KCNIP4: variants seen among roughly 807,000 people sequenced by gnomAD.
KCNIP4 encodes Kv channel-interacting protein 4.
A neutral mutation model predicts 34.0 loss-of-function variants in KCNIP4; 12 were observed. The ratio of observed to expected loss-of-function variants is 0.35; its 90% CI spans 0.23 to 0.57. The LOEUF (loss-of-function observed/expected upper bound fraction) is 0.57. Ranked by LOEUF, KCNIP4 falls within the 20% of genes least tolerant of loss-of-function variation. KCNIP4 has a pLI of 0.83. For synonymous variants in KCNIP4, 124 were observed against 102.2 expected, an observed-to-expected ratio of 1.21 and a Z score of -1.29; for missense variants, 238 against 311.7, an observed-to-expected ratio of 0.76 and a Z score of 1.78.
chr4:21,607,362 C>T (rs1743787275), intron 1 of KCNIP4, among the ~76,000 whole-genome samples: 1 of 152,068 alleles, frequency 6.6e-6, no homozygotes, highest in Non-Finnish European at 1.5e-5. Flanking sequence ...TTCTGATGTC[C>T]ACCTACTTTA....
chr4:20,812,934 A>AGT (rs34935781), intron 3 of KCNIP4, among the ~76,000 whole-genome samples: 4,909 of 149,562 alleles, frequency 0.033, 118 homozygotes, highest in South Asian at 0.12. Flanking sequence ...TTTGTGTGTG[A>AGT]GTGTGTGTGT....
chr4:21,040,964 A>AC (rs965090748), intron 1 of KCNIP4, among the ~76,000 whole-genome samples: 7 of 151,168 alleles, frequency 4.6e-5, no homozygotes, highest in Non-Finnish European at 8.8e-5. Flanking sequence ...TAAAAAAAAA[A>AC]AAACATAAAA....
At chr4:21,234,839 G>A (rs1438167874) in intron 1 of KCNIP4, among the ~76,000 whole-genome samples, 1 of 151,554 alleles carries the variant, frequency 6.6e-6, no homozygotes, top group Non-Finnish European at 1.5e-5. Context: ...GTAGAAACAG[G>A]GTTTTATCAT....
chr4:21,137,750 T>C (rs1751611114), intron 1 of KCNIP4, among the ~76,000 whole-genome samples: 1 of 152,138 alleles, frequency 6.6e-6, no homozygotes, highest in Non-Finnish European at 1.5e-5. Flanking sequence ...AGTGGTAAAC[T>C]TAGAAATAGG....
At chr4:21,705,717 T>C (rs1309679803) in intron 1 of KCNIP4, among the ~76,000 whole-genome samples, 1 of 152,060 alleles carries the variant, frequency 6.6e-6, no homozygotes, top group East Asian at 1.9e-4. Flanking sequence ...AATTTGAAGG[T>C]GGTGTAAAAG....
chr4:21,693,101 A>ACC (rs1711861554), intron 1 of KCNIP4, among the ~76,000 whole-genome samples: 1 of 94,102 alleles, frequency 1.1e-5, no homozygotes, highest in African/African-American at 4.2e-5. Context: ...GCTTAGGATC[A>ACC]CCTCTTCCAG....
chr4:21,490,068 A>T (rs1268437186), intron 1 of KCNIP4, among the ~76,000 whole-genome samples: 1 of 152,136 alleles, frequency 6.6e-6, no homozygotes, highest in Non-Finnish European at 1.5e-5. Context: ...GCTTTGAATG[A>T]TACTCATAAT....
chr4:20,780,891 T>A (rs1365637500), intron 3 of KCNIP4, among the ~76,000 whole-genome samples: 2 of 152,212 alleles, frequency 1.3e-5, no homozygotes, highest in East Asian at 3.8e-4. Context: ...TTACATGTAC[T>A]CAAAAATATC....
intron 1 of KCNIP4, among the ~76,000 whole-genome samples, chr4:21,497,618 A>G (rs891053935): frequency 6.6e-6 from 1 of 152,182 alleles, no homozygotes; most frequent in African/African-American, 2.4e-5. Flanking sequence ...CTCCACAGTA[A>G]TAAGCCTTTC....
intron 1 of KCNIP4, among the ~76,000 whole-genome samples, chr4:21,906,070 G>A (rs1727985221): frequency 6.6e-6 from 1 of 152,092 alleles, no homozygotes; most frequent in Non-Finnish European, 1.5e-5. Context: ...ACATTCATTT[G>A]TTTCATTCAT....
intron 1 of KCNIP4, among the ~76,000 whole-genome samples, chr4:21,522,720 T>C (rs1442308190): frequency 6.6e-6 from 1 of 151,870 alleles, no homozygotes; most frequent in African/African-American, 2.4e-5. Flanking sequence ...GGCAAAATTC[T>C]CCATTCCTCT....
intron 1 of KCNIP4, among the ~76,000 whole-genome samples, chr4:21,329,091 A>G (rs1474563211): frequency 2.0e-5 from 3 of 152,256 alleles, no homozygotes; most frequent in Non-Finnish European, 4.4e-5. Flanking sequence ...TCAGTCTTGC[A>G]AAAGCAAAAA....
At chr4:21,900,890 C>T (rs181032510) in intron 1 of KCNIP4, among the ~76,000 whole-genome samples, 14 of 152,236 alleles carry the variant, frequency 9.2e-5, no homozygotes, top group East Asian at 3.9e-4. Flanking sequence ...GTTCATCTTA[C>T]GAATGTACCA....
intron 1 of KCNIP4, among the ~76,000 whole-genome samples, chr4:21,252,527 AC>A (rs1360080183): frequency 6.6e-6 from 1 of 152,024 alleles, no homozygotes; most frequent in Non-Finnish European, 1.5e-5. Flanking sequence ...GAGAAAGTGA[AC>A]CATTCCACAC....
intron 3 of KCNIP4, among the ~76,000 whole-genome samples, chr4:20,835,733 T>A (rs544082653): frequency 6.6e-6 from 1 of 152,186 alleles, no homozygotes; most frequent in East Asian, 1.9e-4. Flanking sequence ...AAATTCAAAT[T>A]TTGATTACTA....
At chr4:20,882,858 G>T (rs933440975) in intron 1 of KCNIP4, 149 bp from the exon 2 acceptor site, 43 of 404,462 alleles carry the variant, frequency 1.1e-4, no homozygotes, top group Non-Finnish European at 1.8e-4. Flanking sequence ...ACCCCCGAAA[G>T]GAAAAAAAAA....
intron 1 of KCNIP4, among the ~76,000 whole-genome samples, chr4:21,798,562 A>AAAAC (rs1553932820): frequency 8.6e-6 from 1 of 116,896 alleles, no homozygotes; most frequent in Non-Finnish European, 2.0e-5. Flanking sequence ...GAGAGAAAGA[A>AAAAC]AAAGAAAGAA....
intron 1 of KCNIP4, among the ~76,000 whole-genome samples, chr4:21,019,096 C>A (rs997745966): frequency 6.6e-6 from 1 of 152,084 alleles, no homozygotes; most frequent in Non-Finnish European, 1.5e-5. Context: ...ATGATCTTCA[C>A]CCTGTGTCTA....
At chr4:21,370,733 T>C (rs1720266075) in intron 1 of KCNIP4, among the ~76,000 whole-genome samples, 1 of 129,558 alleles carries the variant, frequency 7.7e-6, no homozygotes, top group Admixed American at 7.5e-5. Context: ...GGAGGTAGCA[T>C]TTGCAAAGAC....
Sources: allele counts gnomAD v4.1 joint callset (sites outside exome capture counted in the v4.1 genomes callset), GRCh38; gene constraint gnomAD v4.1.1; transcripts MANE v1.5; gene names NCBI Gene and HGNC (gene_info 2026-07-23, HGNC 2026-07-21).